Variants in C3orf22 observed in about 807,000 individuals in gnomAD.
C3orf22 encodes chromosome 3 open reading frame 22, also known as uncharacterized protein C3orf22.
Under a neutral mutation model 10.8 loss-of-function variants are expected in C3orf22, and 7 were observed. The observed-to-expected ratio is 0.65, with a 90% CI of 0.37 to 1.22. The LOEUF (loss-of-function observed/expected upper bound fraction) is 1.22. C3orf22 is among the 50% of genes most tolerant of loss of function. The pLI is 0.02. For synonymous variants in C3orf22, 79 were observed against 78.9 expected (o/e 1.00, Z 0.00); for missense variants, 173 against 177.0 (o/e 0.98, Z 0.13).
chr3:126,551,075 G>A (rs1937170679), intron 3 of C3orf22, among the ~76,000 whole-genome samples: 3 of 152,256 alleles, frequency 2.0e-5, no homozygotes, highest in Non-Finnish European at 4.4e-5. Context: ...CAAAGGCCAG[G>A]GCCGTTTGTG....
intron 2 of C3orf22, among the ~76,000 whole-genome samples, chr3:126,552,739 T>G (rs1157257378): frequency 6.6e-6 from 1 of 152,068 alleles, no homozygotes. Context: ...GTGGGAAGCT[T>G]GAGGTTGCAC....
At chr3:126,546,760 C>T (rs184636337), downstream of C3orf22, among the ~76,000 whole-genome samples, 2 of 152,208 alleles carry the variant, frequency 1.3e-5, no homozygotes, top group East Asian at 3.9e-4. Context: ...GCAGACTAAG[C>T]CGTGGTTGCC....
chr3:126,554,495 C>T (rs1159891430), intron 1 of C3orf22, among the ~76,000 whole-genome samples: 1 of 152,136 alleles, frequency 6.6e-6, no homozygotes, highest in African/African-American at 2.4e-5. Context: ...AACTCCTGAC[C>T]TCAGGTGATC....
At chr3:126,546,560 C>T (rs1213411090), downstream of C3orf22, among the ~76,000 whole-genome samples, 1 of 152,074 alleles carries the variant, frequency 6.6e-6, no homozygotes, top group Non-Finnish European at 1.5e-5. Flanking sequence ...TCTCTCTCTC[C>T]CTCCCCGCCT....
At chr3:126,553,860 G>T (rs904189149) in intron 1 of C3orf22, among the ~76,000 whole-genome samples, 2 of 152,206 alleles carry the variant, frequency 1.3e-5, no homozygotes, top group East Asian at 3.9e-4. Flanking sequence ...CTGCTGCTGA[G>T]CACTGTTCTA....
chr3:126,555,981 C>G (rs1937319540), intron 1 of C3orf22, among the ~76,000 whole-genome samples: 1 of 152,234 alleles, frequency 6.6e-6, no homozygotes, highest in Admixed American at 6.5e-5. Context: ...GACAGCCCAG[C>G]TCACAGGCCT....
At chr3:126,550,412 T>C (rs1019670337) in intron 3 of C3orf22, among the ~76,000 whole-genome samples, 3 of 152,094 alleles carry the variant, frequency 2.0e-5, no homozygotes, top group Non-Finnish European at 4.4e-5. Flanking sequence ...TAAGCAAGCT[T>C]TATTTTTAGC....
At chr3:126,556,462 C>T (rs371536850) in intron 1 of C3orf22, among the ~76,000 whole-genome samples, 15 of 151,990 alleles carry the variant, frequency 9.9e-5, no homozygotes, top group African/African-American at 3.4e-4. Context: ...TTCCTCTCAG[C>T]GCCTCCTGGG....
At chr3:126,557,546 C>T (rs1233285600) in intron 1 of C3orf22, among the ~76,000 whole-genome samples, 2 of 152,218 alleles carry the variant, frequency 1.3e-5, no homozygotes, top group East Asian at 3.8e-4. Context: ...TGCCTGCCGC[C>T]AAGTGTGGAA....
At chr3:126,530,468 A>C (rs1461498213) in intron 4 of C3orf22, among the ~76,000 whole-genome samples, 1 of 151,630 alleles carries the variant, frequency 6.6e-6, no homozygotes, top group Admixed American at 6.6e-5. Flanking sequence ...CTGCCCCTCC[A>C]CCCCCTGCCC....
Position 126,550,069 on chromosome 3 carries a change from A to G in C3orf22, c.225T>C (p.Ala75=). Reference sequence around the variant, plus strand: ...AGCCAGACGGTGATGTAAAATCTGGAGCCCCGAGCCTAGAGAAGCCACACA... The same window carrying G: ...AGCCAGACGGTGATGTAAAATCTGGGGCCCCGAGCCTAGAGAAGCCACACA... ...TRSIPVRGLG[A]PDFTSPSGSC... is the part of the protein sequence containing the mutation. The change falls in exon 4 of 4, where the codon GCT becomes GCC. Residue 75 remains alanine (A), a synonymous_variant. Transcript: ENST00000318225. The G allele has an allele frequency of 6.2e-7, 1 of 1,613,692 alleles. No homozygotes were observed. Among genetic ancestry groups the G allele is most frequent in the Admixed American group, 1.7e-5 (1 of 59,992 alleles).
intron 4 of C3orf22, chr3:126,542,024 G>T: frequency 1.3e-6 from 2 of 1,569,340 alleles, no homozygotes; most frequent in Non-Finnish European, 1.7e-6. Flanking sequence ...CTTCAGCCCC[G>T]CCGAGATCAA....
chr3:126,533,050 T>C (rs1246020297), intron 4 of C3orf22, among the ~76,000 whole-genome samples: 1 of 152,240 alleles, frequency 6.6e-6, no homozygotes, highest in Admixed American at 6.5e-5. Flanking sequence ...TGCTAGTATA[T>C]AGAATATAAT....
intron 1 of C3orf22, among the ~76,000 whole-genome samples, chr3:126,555,777 C>T (rs1270842584): frequency 2.0e-5 from 3 of 152,192 alleles, no homozygotes; most frequent in African/African-American, 7.2e-5. Context: ...ACACCCTTGC[C>T]AGCCACCCCC....
intron 4 of C3orf22, chr3:126,542,634 G>A (rs1001936454): frequency 3.3e-5 from 47 of 1,413,348 alleles, no homozygotes; most frequent in East Asian, 1.8e-4. Context: ...CAAGACCCCC[G>A]GGGAATGCAG....
downstream of C3orf22, chr3:126,549,623 T>C: frequency 6.9e-7 from 1 of 1,453,772 alleles, no homozygotes; most frequent in Non-Finnish European, 9.2e-7. Context: ...AGATTAAACA[T>C]TATTACAACA....
intron 3 of C3orf22, among the ~76,000 whole-genome samples, chr3:126,551,215 T>G (rs999308594): frequency 6.6e-6 from 1 of 151,998 alleles, no homozygotes; most frequent in Non-Finnish European, 1.5e-5. Flanking sequence ...AGGCACTATA[T>G]CAAACAATGG....
At chr3:126,552,238 T>C (rs1167738090) in intron 2 of C3orf22, 116 bp from the exon 3 acceptor site, 1 of 1,480,590 alleles carries the variant, frequency 6.8e-7, no homozygotes, top group East Asian at 2.4e-5. Flanking sequence ...TCACAAATAT[T>C]AGCCCATATG....
At chr3:126,533,177 A>G (rs745861772) in intron 4 of C3orf22, among the ~76,000 whole-genome samples, 1 of 152,124 alleles carries the variant, frequency 6.6e-6, no homozygotes, top group Non-Finnish European at 1.5e-5. Context: ...TCATCTATGA[A>G]TAGACAAAGT....
Sources: gnomAD v4.1 joint callset for allele counts (sites outside exome capture counted in the v4.1 genomes callset) on GRCh38, gnomAD v4.1.1 for gene constraint, MANE v1.5 for transcripts, NCBI Gene and HGNC (gene_info 2026-07-23, HGNC 2026-07-21) for gene names.